Variants in SORBS2 observed in about 807,000 individuals in gnomAD.
SORBS2 encodes the protein sorbin and SH3 domain-containing protein 2.
SORBS2 carries 46 observed loss-of-function variants against 97.7 expected under a neutral mutation model. The ratio of observed to expected loss-of-function variants is 0.47; its 90% CI spans 0.37 to 0.60. The LOEUF (loss-of-function observed/expected upper bound fraction) is 0.60. Among genes scored for constraint, SORBS2 ranks in the 20% least tolerant of loss-of-function variants. The pLI is 0.00. For missense variants in SORBS2, 1,316 were observed against 1,282.3 expected (o/e 1.03, Z -0.40); for synonymous variants, 476 against 473.4 (o/e 1.01, Z -0.07).
intron 1 of SORBS2, among the ~76,000 whole-genome samples, chr4:185,865,176 C>G (rs1163475551): frequency 1.3e-5 from 2 of 152,162 alleles, no homozygotes; most frequent in African/African-American, 4.8e-5. Flanking sequence ...TTAGAGTTCC[C>G]TTTATTATTC....
chr4:185,843,786 T>A (rs1028187824), intron 1 of SORBS2, among the ~76,000 whole-genome samples: 2 of 152,224 alleles, frequency 1.3e-5, no homozygotes, highest in African/African-American at 4.8e-5. Flanking sequence ...TCCAAATAGA[T>A]CTTAGATTCA....
At chr4:185,749,050 T>C (rs2098782611) in intron 2 of SORBS2, among the ~76,000 whole-genome samples, 1 of 152,220 alleles carries the variant, frequency 6.6e-6, no homozygotes, top group African/African-American at 2.4e-5. Context: ...GCTGCTGTTT[T>C]GGCTTTTAAA....
chr4:185,708,292 A>G (rs541970291), intron 2 of SORBS2, among the ~76,000 whole-genome samples: 1 of 152,308 alleles, frequency 6.6e-6, no homozygotes, highest in Non-Finnish European at 1.5e-5. Context: ...CTACATAATA[A>G]CTCACGATAA....
chr4:185,804,812 G>T (rs1250039541), intron 1 of SORBS2, among the ~76,000 whole-genome samples: 9 of 151,960 alleles, frequency 5.9e-5, no homozygotes, highest in Non-Finnish European at 1.5e-5. Context: ...TTGTTTTCTT[G>T]AGTTAAATCA....
intron 1 of SORBS2, among the ~76,000 whole-genome samples, chr4:185,840,403 C>T (rs76772265): frequency 0.045 from 6,846 of 152,096 alleles, 219 homozygotes; most frequent in Admixed American, 0.078. Flanking sequence ...CTTGTGTGGC[C>T]GACTGCTCCT....
intron 1 of SORBS2, among the ~76,000 whole-genome samples, chr4:185,861,042 G>C (rs1426188393): frequency 6.6e-6 from 1 of 152,222 alleles, no homozygotes; most frequent in Non-Finnish European, 1.5e-5. Context: ...TTCAAAAGAT[G>C]TCAAAGAAAT....
Position 185,769,240 on chromosome 4 carries a change from C to T in SORBS2, c.-198+5987G>A, listed in dbSNP as rs191881996. Among the ~76,000 whole-genome samples the T allele has an allele frequency of 7.2e-5, 11 of 152,252 alleles. No individual in the cohort carries two copies. In the East Asian group the frequency reaches 1.9e-3, roughly 27 times the overall value. On this transcript the variant is annotated intron_variant, in intron 2 of 20. Coordinates refer to the SORBS2 transcript ENST00000284776. ...AGGACCCAGATCCAAATGTGAAATT[C>T]GCTTATGTTATATGTAGTGTATCCA... is the stretch of plus-strand genomic sequence containing the variant.
intron 1 of SORBS2, among the ~76,000 whole-genome samples, chr4:185,655,359 T>G (rs1481933771): frequency 1.3e-5 from 2 of 152,224 alleles, no homozygotes; most frequent in African/African-American, 4.8e-5. Context: ...CATTACTTTC[T>G]ACACATGAGA....
rs750479160 is a variant in SORBS2 at position 185,623,063 on chromosome 4, T to C, written c.2066A>G (p.Gln689Arg). The change falls in exon 7 of 15, where the codon CAG becomes CGG. Residue 689 changes from glutamine to arginine, a missense_variant. Physicochemically the swap from Gln to Arg is conservative, Grantham distance 43. Coordinates refer to ENST00000418609, the Ensembl canonical transcript of SORBS2. The surrounding 1 kb of genome is among the most constrained non-coding windows in gnomAD (Gnocchi z 6.4). ...ATCGGGAGGCAGTGGGTGGAGAGGC[T>C]GGTGCAGGGGGCTCCTCCTCAGCGC... The C allele has an allele frequency of 9.7e-5, 156 of 1,613,966 alleles. No individual in the cohort carries two copies. The highest frequency in any genetic ancestry group is 1.3e-4 in the Non-Finnish European group (150 of 1,180,004).
At chr4:185,769,207 T>A in intron 2 of SORBS2, among the ~76,000 whole-genome samples, 1 of 152,256 alleles carries the variant, frequency 6.6e-6, no homozygotes, top group East Asian at 1.9e-4. Context: ...CTGCGTCATC[T>A]TGGGGACAGG....
At chr4:185,876,000 T>A (rs1279191811) in intron 1 of SORBS2, among the ~76,000 whole-genome samples, 1 of 152,264 alleles carries the variant, frequency 6.6e-6, no homozygotes, top group Non-Finnish European at 1.5e-5. Context: ...TTTCTCTCAA[T>A]AACAAACTCT....
At chr4:185,943,339 C>A (rs1285830121) in intron 1 of SORBS2, among the ~76,000 whole-genome samples, 1 of 152,214 alleles carries the variant, frequency 6.6e-6, no homozygotes, top group Non-Finnish European at 1.5e-5. Flanking sequence ...CTGGCAGTCA[C>A]CACCTTAACC....
intron 1 of SORBS2, among the ~76,000 whole-genome samples, chr4:185,801,672 CT>C (rs2099131479): frequency 2.7e-5 from 4 of 148,606 alleles, no homozygotes; most frequent in African/African-American, 9.9e-5. Flanking sequence ...AATCATCTCT[CT>C]CTCTCTCTCT....
intron 1 of SORBS2, among the ~76,000 whole-genome samples, chr4:185,779,629 C>T (rs931384674): frequency 2.0e-5 from 3 of 152,030 alleles, no homozygotes; most frequent in Non-Finnish European, 4.4e-5. Flanking sequence ...TGAGAGGATC[C>T]CAGTAGGAAG....
chr4:185,624,196 G>C (rs200242655), exon 7 of SORBS2: 1 of 1,614,194 alleles, frequency 6.2e-7, no homozygotes. Flanking sequence ...CACATAACAG[G>C]GAGCCCATGC....
intron 2 of SORBS2, among the ~76,000 whole-genome samples, chr4:185,746,570 G>A (rs1246213080): frequency 6.6e-5 from 10 of 152,134 alleles, no homozygotes; most frequent in South Asian, 2.1e-4. Flanking sequence ...CTCCTGCCTC[G>A]GCTTCCCAGA....
chr4:185,689,903 G>T (rs2098058814), intron 2 of SORBS2, among the ~76,000 whole-genome samples: 1 of 152,108 alleles, frequency 6.6e-6, no homozygotes, highest in Admixed American at 6.5e-5. Flanking sequence ...GAATTACTTT[G>T]TATTGTATAT....
At chr4:185,948,022 G>A (rs960813838) in intron 1 of SORBS2, among the ~76,000 whole-genome samples, 3 of 152,128 alleles carry the variant, frequency 2.0e-5, no homozygotes, top group African/African-American at 7.2e-5. Flanking sequence ...TCTTAAAGAG[G>A]CCGGTTCTTT....
intron 1 of SORBS2, among the ~76,000 whole-genome samples, chr4:185,801,282 G>A (rs1392124716): frequency 6.6e-6 from 1 of 152,090 alleles, no homozygotes; most frequent in Non-Finnish European, 1.5e-5. Flanking sequence ...TTCATCCATG[G>A]ACAGGTCCTT....
Sources: allele counts gnomAD v4.1 joint callset (sites outside exome capture counted in the v4.1 genomes callset), GRCh38; gene constraint gnomAD v4.1.1; non-coding constraint Gnocchi (gnomAD v3.1); transcripts MANE v1.5; gene names NCBI Gene and HGNC (gene_info 2026-07-23, HGNC 2026-07-21).